ANKRD11: variants seen among roughly 807,000 people sequenced by gnomAD.
The protein encoded by ANKRD11 is ankyrin repeat domain 11.
Under a neutral mutation model 195.7 loss-of-function variants are expected in ANKRD11, and 17 were observed. The observed-to-expected ratio is 0.09, with a 90% CI of 0.06 to 0.13. The LOEUF (loss-of-function observed/expected upper bound fraction) is 0.13, where lower values mean the gene tolerates loss of function less well. Ranked by LOEUF, ANKRD11 falls within the 10% of genes least tolerant of loss-of-function variation. The probability of loss-of-function intolerance (pLI) is 1.00; values close to 1 mark genes in which losing one functional copy is unlikely to be tolerated. For missense variants in ANKRD11, 3,735 were observed against 3,566.1 expected, an observed-to-expected ratio of 1.05 and a Z score of -1.21; for synonymous variants, 1,953 against 1,528.1, an observed-to-expected ratio of 1.28 and a Z score of -6.49.
chr16:89,481,354 G>C (rs1374193922), intron 1 of ANKRD11, among the ~76,000 whole-genome samples: 1 of 152,126 alleles, frequency 6.6e-6, no homozygotes, highest in Non-Finnish European at 1.5e-5. Flanking sequence ...GACTACTTGA[G>C]GCCAGGAGTT....
chr16:89,398,145 G>C (rs112003303), intron 2 of ANKRD11, among the ~76,000 whole-genome samples: 2 of 151,650 alleles, frequency 1.3e-5, no homozygotes, highest in Admixed American at 6.5e-5. Flanking sequence ...TGAAACAGCT[G>C]AAGACTACCT....
intron 2 of ANKRD11, among the ~76,000 whole-genome samples, chr16:89,402,807 C>A (rs2041752562): frequency 1.6e-5 from 1 of 62,892 alleles, no homozygotes; most frequent in African/African-American, 6.8e-5. Context: ...GGGGGTTCTG[C>A]GGAATGAGGT....
chr16:89,328,948 A>C (rs181462451), intron 2 of ANKRD11: 3 of 122,710 alleles, frequency 2.4e-5, no homozygotes, highest in East Asian at 2.5e-4. Flanking sequence ...CATACCCAGG[A>C]GCACGGGCGA....
At chr16:89,407,299 C>T (rs968986001) in intron 2 of ANKRD11, among the ~76,000 whole-genome samples, 1 of 151,190 alleles carries the variant, frequency 6.6e-6, no homozygotes, top group Non-Finnish European at 1.5e-5. Context: ...ATAAGGAACA[C>T]GGGGGGAAAA....
intron 1 of ANKRD11, among the ~76,000 whole-genome samples, chr16:89,449,805 A>T (rs149700787): frequency 6.6e-6 from 1 of 152,234 alleles, no homozygotes; most frequent in East Asian, 1.9e-4. Flanking sequence ...AAAAAAAGAA[A>T]AGTGTGCATA....
intron 1 of ANKRD11, among the ~76,000 whole-genome samples, chr16:89,449,728 G>C (rs944222686): frequency 3.9e-5 from 6 of 152,154 alleles, no homozygotes; most frequent in African/African-American, 1.4e-4. Flanking sequence ...GGGAGGTGGA[G>C]GTTGCAGTGA....
rs2041545511 is a variant in ANKRD11, at chr16:89,398,325, GC to G, written c.-60+19958del. ...CTGACATGAGGGACACTGTGAAACA[GC>G]TGAAGACTACCTGTGACCTCAGCAC... On this transcript the variant is annotated intron_variant, in intron 2 of 12. Transcript: ENST00000301030. Among the ~76,000 whole-genome samples the G allele has an allele frequency of 1.5e-5, 2 of 134,728 alleles. 1 individual carries two copies. 88.4% of individuals were successfully genotyped at this position (134,728 alleles called of 152,430 possible).
intron 2 of ANKRD11, among the ~76,000 whole-genome samples, chr16:89,352,190 G>A (rs964759720): frequency 6.6e-6 from 1 of 152,038 alleles, no homozygotes; most frequent in Admixed American, 6.5e-5. Context: ...GCACCTGGCC[G>A]ATTATCTTCT....
intron 1 of ANKRD11, among the ~76,000 whole-genome samples, chr16:89,435,648 C>T (rs2043183379): frequency 6.6e-6 from 1 of 152,020 alleles, no homozygotes; most frequent in African/African-American, 2.4e-5. Context: ...TTCTTGAAGT[C>T]AGCGAGACCG....
rs758065235 is a variant in ANKRD11, at chr16:89,283,849, C to T, written c.2693G>A (p.Arg898Gln). Residue 898 changes from arginine (R) to glutamine (Q), a missense_variant, in exon 9 of 13, where the codon CGA becomes CAA. Transcript: ENST00000301030. This position sits in a 1 kb window ranked among gnomAD's most constrained non-coding sequence, Gnocchi z 4.3. ...RRRDSRAREKRDYREPFFRKK... is the reference protein window; with the variant it reads ...RRRDSRAREKQDYREPFFRKK... Reference sequence around the variant, plus strand: ...TCGGAAGAAGGGCTCTCTGTAGTCTCGCTTCTCCCGGGCCCGGCTGTCCCG... The same window carrying T: ...TCGGAAGAAGGGCTCTCTGTAGTCTTGCTTCTCCCGGGCCCGGCTGTCCCG... 1.2e-5 allele frequency: 20 copies of T among 1,614,162 alleles called. No homozygotes were observed. The highest frequency in any genetic ancestry group is 3.3e-4 in the Middle Eastern group (2 of 6,062).
intron 1 of ANKRD11, among the ~76,000 whole-genome samples, chr16:89,471,289 C>A (rs34373216): frequency 6.6e-6 from 1 of 152,100 alleles, no homozygotes; most frequent in African/African-American, 2.4e-5. Context: ...TCACAGCTTT[C>A]GAGGAACTGT....
At chr16:89,355,822 T>G (rs1418078121) in intron 2 of ANKRD11, among the ~76,000 whole-genome samples, 1 of 152,208 alleles carries the variant, frequency 6.6e-6, no homozygotes, top group Admixed American at 6.5e-5. Context: ...GGCAAGGGTC[T>G]GTGGCTCTCC....
intron 11 of ANKRD11, chr16:89,271,193 C>T: frequency 2.0e-6 from 1 of 496,028 alleles, no homozygotes; most frequent in East Asian, 3.8e-5. Flanking sequence ...GCCCTGCCCC[C>T]AGGGGACAGT....
rs572745567 is a variant in ANKRD11 at position 89,313,216 on chromosome 16, C to T, written c.87+3717G>A. On this transcript the variant is annotated intron_variant, in intron 3 of 12. Transcript: ENST00000301030. Reference sequence around the variant, plus strand: ...GTGAGGCTGCCTGTGCTCTGAGTGGCGTGCATGGAGCACAATGAGACAGGG... The same window carrying T: ...GTGAGGCTGCCTGTGCTCTGAGTGGTGTGCATGGAGCACAATGAGACAGGG... The T allele has an allele frequency of 1.2e-4, 137 of 1,166,790 alleles. 2 individuals are homozygous for T. The highest frequency in any genetic ancestry group is 8.8e-4 in the South Asian group (62 of 70,174). 72.3% of individuals were successfully genotyped at this position (1,166,790 alleles called of 1,614,324 possible). A position where few individuals can be genotyped will look rare whatever the true frequency, so the allele number is the denominator to read the frequency against.
intron 2 of ANKRD11, among the ~76,000 whole-genome samples, chr16:89,331,698 A>G (rs2038076027): frequency 6.6e-6 from 1 of 152,130 alleles, no homozygotes. Context: ...ACAGCTCCCT[A>G]CAGCCTCGAA....
intron 2 of ANKRD11, among the ~76,000 whole-genome samples, chr16:89,330,621 T>C (rs2038000772): frequency 8.1e-6 from 1 of 122,762 alleles, no homozygotes; most frequent in Non-Finnish European, 1.6e-5. Flanking sequence ...GTGAGGGTCC[T>C]CGTGACACGG....
intron 1 of ANKRD11, among the ~76,000 whole-genome samples, chr16:89,473,806 G>A (rs562321115): frequency 6.6e-5 from 10 of 152,278 alleles, no homozygotes; most frequent in East Asian, 1.9e-4. Flanking sequence ...CACCTTGCCC[G>A]GAGTGCAAGG....
chr16:89,360,911 T>C (rs8063266), intron 2 of ANKRD11, among the ~76,000 whole-genome samples: 3,761 of 152,304 alleles, frequency 0.025, 166 homozygotes, highest in African/African-American at 0.087. Context: ...CCACGGTCTC[T>C]TGCCCCTGCA....
intron 1 of ANKRD11, among the ~76,000 whole-genome samples, chr16:89,479,951 A>AC (rs1373231976): frequency 4.0e-5 from 6 of 151,180 alleles, no homozygotes; most frequent in Non-Finnish European, 1.5e-5. Context: ...TCAAAAAAAA[A>AC]AAAAAAAAAA....
Sources: allele counts gnomAD v4.1 joint callset (sites outside exome capture counted in the v4.1 genomes callset), GRCh38; gene constraint gnomAD v4.1.1; non-coding constraint Gnocchi (gnomAD v3.1); transcripts MANE v1.5; gene names NCBI Gene and HGNC (gene_info 2026-07-23, HGNC 2026-07-21).